Variants in ARID2 observed in about 807,000 individuals in gnomAD.
ARID2 encodes AT-rich interaction domain 2.
ARID2 carries 32 observed loss-of-function variants against 184.6 expected under a neutral mutation model. The observed-to-expected ratio is 0.17, with a 90% CI of 0.13 to 0.23. ARID2 has a LOEUF of 0.23. ARID2 is among the 10% of genes least tolerant of loss of function. The pLI is 1.00. For missense variants in ARID2, 1,696 were observed against 2,197.6 expected, an observed-to-expected ratio of 0.77 and a Z score of 4.56; for synonymous variants, 836 against 772.6, an observed-to-expected ratio of 1.08 and a Z score of -1.36.
chr12:45,899,516 G>C (rs28477927), intron 20 of ARID2, among the ~76,000 whole-genome samples: 1 of 150,396 alleles, frequency 6.6e-6, no homozygotes, highest in South Asian at 2.1e-4. Flanking sequence ...TGAGGCAGGA[G>C]AATGGCGTGA....
chr12:45,770,969 G>A (rs1420736936), intron 3 of ARID2, among the ~76,000 whole-genome samples: 1 of 152,052 alleles, frequency 6.6e-6, no homozygotes, highest in Non-Finnish European at 1.5e-5. Flanking sequence ...CCTGGCATTT[G>A]ACTGCCTCCT....
chr12:45,771,501 C>CAA (rs60579820), intron 3 of ARID2, among the ~76,000 whole-genome samples: 2 of 123,222 alleles, frequency 1.6e-5, no homozygotes, highest in African/African-American at 2.8e-5. Context: ...TCTGTTTTTA[C>CAA]AAAAAAAAAA....
At chr12:45,879,866 T>C (rs1944072193) in intron 16 of ARID2, among the ~76,000 whole-genome samples, 1 of 152,258 alleles carries the variant, frequency 6.6e-6, no homozygotes, top group Non-Finnish European at 1.5e-5. Flanking sequence ...AAAGTGTCCT[T>C]TATTTAAAAA....
chr12:45,900,000 A>G (rs1944436731), intron 20 of ARID2, among the ~76,000 whole-genome samples: 1 of 151,970 alleles, frequency 6.6e-6, no homozygotes, highest in Non-Finnish European at 1.5e-5. Context: ...ATCTTAAATC[A>G]GATATTGTTG....
chr12:45,753,405 G>T (rs1941505650), intron 3 of ARID2, among the ~76,000 whole-genome samples: 1 of 152,164 alleles, frequency 6.6e-6, no homozygotes, highest in African/African-American at 2.4e-5. Flanking sequence ...TCTCCATTCA[G>T]TCAGTTTTGT....
intron 20 of ARID2, among the ~76,000 whole-genome samples, chr12:45,898,212 GA>G (rs1475545245): frequency 6.6e-6 from 1 of 152,182 alleles, no homozygotes; most frequent in Non-Finnish European, 1.5e-5. Flanking sequence ...TTTCACTTAT[GA>G]GATACCTAGA....
intron 16 of ARID2, among the ~76,000 whole-genome samples, chr12:45,872,113 T>G (rs1384319653): frequency 6.6e-6 from 1 of 152,078 alleles, no homozygotes; most frequent in African/African-American, 2.4e-5. Flanking sequence ...ATTTCCTGTT[T>G]TCAGTTTCAT....
At chr12:45,749,705 C>G (rs1331218400) in intron 3 of ARID2, among the ~76,000 whole-genome samples, 2 of 152,216 alleles carry the variant, frequency 1.3e-5, no homozygotes, top group Non-Finnish European at 2.9e-5. Flanking sequence ...GCTGTAGATT[C>G]ACTGTCACCA....
Position 45,860,797 on chromosome 12 carries a change from A to T in ARID2, c.4774-4A>T, listed in dbSNP as rs371698704. On this transcript the variant is annotated splice_polypyrimidine_tract_variant and splice_region_variant and intron_variant, in intron 15 of 20. Coordinates refer to ENST00000334344, the MANE Select transcript of ARID2 (RefSeq NM_152641.4). Reference sequence around the variant, plus strand: ...ACAAACTCTGCATTTGTTCTTTTTCACAGAACACTCCTATGCCACCTTCAC... The same window carrying T: ...ACAAACTCTGCATTTGTTCTTTTTCTCAGAACACTCCTATGCCACCTTCAC... 1 of 1,528,440 alleles carries T rather than the reference A, an allele frequency of 6.5e-7. No individual in the cohort carries two copies. Among genetic ancestry groups the T allele is most frequent in the Non-Finnish European group, 8.8e-7 (1 of 1,138,244 alleles). 94.7% of individuals were successfully genotyped at this position (1,528,440 alleles called of 1,614,324 possible).
rs930473740 is a variant in ARID2 at position 45,856,067 on chromosome 12, C to CTTTT, written c.4773+3193_4773+3196dup. On this transcript the variant is annotated intron_variant, in intron 15 of 20. Coordinates refer to ENST00000334344, the MANE Select transcript of ARID2 (RefSeq NM_152641.4). ...ATGTACTCTTTTTCTTTCTTCTTTT[C>CTTTT]TTTTTTTTTTTTTTTTTTTTTTTTT... is the stretch of plus-strand genomic sequence containing the variant. Among the ~76,000 whole-genome samples, 278 of 74,624 alleles carry CTTTT rather than the reference C, an allele frequency of 3.7e-3. 6 individuals carry two copies. Among genetic ancestry groups the CTTTT allele is most frequent in the Non-Finnish European group, 4.6e-3 (178 of 38,810 alleles). 49.0% of individuals were successfully genotyped at this position (74,624 alleles called of 152,430 possible).
rs200483416 is a variant in ARID2 at position 45,738,751 on chromosome 12, CT to C, written c.284+7443del. ...GAAAAAATTCTTTATGCCACCCAAA[CT>C]TTTTTCTTCCTGGGGCATATGGGCT... On this transcript the variant is annotated intron_variant, in intron 3 of 20. Coordinates refer to ENST00000334344, the MANE Select transcript of ARID2 (RefSeq NM_152641.4). Among the ~76,000 whole-genome samples, 218 of 104,342 alleles carry C rather than the reference CT, an allele frequency of 2.1e-3. 2 individuals carry two copies. In the Admixed American group the frequency reaches 0.022, roughly 10 times the overall value. 68.5% of individuals were successfully genotyped at this position (104,342 alleles called of 152,430 possible).
intron 16 of ARID2, among the ~76,000 whole-genome samples, chr12:45,878,194 T>C (rs1592137355): frequency 6.6e-6 from 1 of 152,186 alleles, no homozygotes; most frequent in African/African-American, 2.4e-5. Flanking sequence ...ATGATGTGGC[T>C]AGGTGTTGAT....
At chr12:45,745,189 C>G (rs1354487887) in intron 3 of ARID2, among the ~76,000 whole-genome samples, 1 of 152,184 alleles carries the variant, frequency 6.6e-6, no homozygotes, top group African/African-American at 2.4e-5. Flanking sequence ...TAGCTTTCAG[C>G]ACCTGAAAAT....
In ARID2 at chr12:45,904,926, T is replaced by G; in HGVS notation, c.5364-8T>G. The stretch of plus-strand genomic sequence containing the variant: ...GAGACTGACAATCTTCTATATGTTT[T>G]TTTGCAGATTGTTAAAGAGACATGA... On this transcript the variant is annotated splice_region_variant and splice_polypyrimidine_tract_variant and intron_variant, in intron 20 of 20. Coordinates refer to ENST00000334344, the MANE Select transcript of ARID2 (RefSeq NM_152641.4). 1 of 1,612,466 alleles carries G rather than the reference T, an allele frequency of 6.2e-7. No individual in the cohort carries two copies.
At chr12:45,799,848 A>C (rs1177917558) in intron 3 of ARID2, among the ~76,000 whole-genome samples, 1 of 152,114 alleles carries the variant, frequency 6.6e-6, no homozygotes, top group Non-Finnish European at 1.5e-5. Flanking sequence ...ATTTAGTTTT[A>C]TTTTCTTTTT....
chr12:45,846,759 T>C, intron 11 of ARID2, 97 bp from the exon 12 acceptor site: 1 of 1,027,818 alleles, frequency 9.7e-7, no homozygotes, highest in South Asian at 1.4e-5. Context: ...TAAAAAGGTA[T>C]TCATTGTGTT....
chr12:45,778,658 A>C (rs1372853764), intron 3 of ARID2, among the ~76,000 whole-genome samples: 1 of 152,058 alleles, frequency 6.6e-6, no homozygotes, highest in Non-Finnish European at 1.5e-5. Context: ...CAGAGTTTCT[A>C]CTTAATTTTT....
chr12:45,793,181 T>TC (rs887391683), intron 3 of ARID2, among the ~76,000 whole-genome samples: 2 of 151,828 alleles, frequency 1.3e-5, no homozygotes, highest in Non-Finnish European at 2.9e-5. Context: ...GCACCTATAA[T>TC]CCCAGTTACT....
At chr12:45,779,788 G>A (rs1299343369) in intron 3 of ARID2, among the ~76,000 whole-genome samples, 1 of 151,960 alleles carries the variant, frequency 6.6e-6, no homozygotes, top group Non-Finnish European at 1.5e-5. Flanking sequence ...TTAAAAGCAA[G>A]AGAAAATTCA....
Sources: gnomAD v4.1 joint callset for allele counts (sites outside exome capture counted in the v4.1 genomes callset) on GRCh38, gnomAD v4.1.1 for gene constraint, MANE v1.5 for transcripts, NCBI Gene and HGNC (gene_info 2026-07-23, HGNC 2026-07-21) for gene names.